The following MOB3B variants were observed in gnomAD, a reference collection of about 807,000 sequenced individuals.
MOB3B encodes the protein MOB kinase activator 3B.
MOB3B carries 7 observed loss-of-function variants against 18.7 expected under a neutral mutation model. That is an observed-to-expected ratio of 0.37 (90% CI 0.21 to 0.70). MOB3B has a LOEUF of 0.70. Ranked by LOEUF, MOB3B falls within the 30% of genes least tolerant of loss-of-function variation. The pLI, the probability that MOB3B is intolerant of heterozygous loss-of-function variation, is 0.52. For missense variants in MOB3B, 253 were observed against 281.3 expected, an observed-to-expected ratio of 0.90 and a Z score of 0.72; for synonymous variants, 111 against 99.9, an observed-to-expected ratio of 1.11 and a Z score of -0.66.
chr9:27,426,707 A>G lies in MOB3B; in HGVS notation c.418+28426T>C, dbSNP rs185956646. Among the ~76,000 whole-genome samples, 91 of 152,298 alleles carry G rather than the reference A, an allele frequency of 6.0e-4. 1 individual carries two copies. In the East Asian group the frequency reaches 0.014, roughly 24 times the overall value. On this transcript the variant is annotated intron_variant, in intron 2 of 3. Coordinates refer to ENST00000262244, the MANE Select transcript of MOB3B (RefSeq NM_024761.5). ...CCCCCCCTGCCCGACTCAGAATCCA[A>G]GGGGAAAATAATGAGATCCTCTAGG...
At chr9:27,518,892 A>G (rs55835819) in intron 1 of MOB3B, among the ~76,000 whole-genome samples, 8,674 of 152,246 alleles carry the variant, frequency 0.057, 409 homozygotes, top group African/African-American at 0.13. Context: ...CTGTGTAAGA[A>G]GTGCCACAGA....
intron 2 of MOB3B, among the ~76,000 whole-genome samples, chr9:27,381,741 G>A (rs1274582336): frequency 6.6e-6 from 1 of 151,992 alleles, no homozygotes; most frequent in Admixed American, 6.6e-5. Flanking sequence ...CAACCTCCTG[G>A]GCTTAAGCAA....
chr9:27,523,965 T>A (rs530862640), intron 1 of MOB3B, among the ~76,000 whole-genome samples: 1 of 152,050 alleles, frequency 6.6e-6, no homozygotes, highest in East Asian at 1.9e-4. Context: ...AGTGAGTGAG[T>A]GAGTGAGTGC....
At chr9:27,496,900 C>G (rs1819910541) in intron 1 of MOB3B, among the ~76,000 whole-genome samples, 1 of 152,186 alleles carries the variant, frequency 6.6e-6, no homozygotes, top group Non-Finnish European at 1.5e-5. Flanking sequence ...TTATGTTTTC[C>G]TCCAGAAGAG....
intron 2 of MOB3B, among the ~76,000 whole-genome samples, chr9:27,428,627 T>C (rs958748175): frequency 3.3e-5 from 5 of 152,214 alleles, no homozygotes; most frequent in African/African-American, 7.2e-5. Context: ...TTTAGGATAA[T>C]TTATTGACAT....
intron 2 of MOB3B, among the ~76,000 whole-genome samples, chr9:27,417,335 G>C (rs1258007986): frequency 6.6e-6 from 1 of 152,198 alleles, no homozygotes; most frequent in East Asian, 1.9e-4. Flanking sequence ...CTGTACTCCA[G>C]CTTGGGCGAC....
chr9:27,517,298 T>C (rs1820249980), intron 1 of MOB3B, among the ~76,000 whole-genome samples: 1 of 152,186 alleles, frequency 6.6e-6, no homozygotes, highest in African/African-American at 2.4e-5. Flanking sequence ...CAACAGATGA[T>C]GATGATAACT....
intron 1 of MOB3B, among the ~76,000 whole-genome samples, chr9:27,500,875 C>T (rs1176854300): frequency 6.6e-6 from 1 of 152,050 alleles, no homozygotes; most frequent in East Asian, 1.9e-4. Context: ...TATTCAGAAT[C>T]TACAAAGAAC....
At chr9:27,417,111 C>T (rs374536273) in intron 2 of MOB3B, among the ~76,000 whole-genome samples, 19 of 152,292 alleles carry the variant, frequency 1.2e-4, no homozygotes, top group African/African-American at 4.3e-4. Context: ...CGCCTGTAAT[C>T]CCAGCACTTT....
chr9:27,470,719 G>A (rs1819457801), intron 1 of MOB3B, among the ~76,000 whole-genome samples: 2 of 152,114 alleles, frequency 1.3e-5, no homozygotes, highest in African/African-American at 2.4e-5. Flanking sequence ...TGCCACCTCT[G>A]GTGGAGGTTC....
At chr9:27,420,548 CAT>C (rs55684272) in intron 2 of MOB3B, among the ~76,000 whole-genome samples, 980 of 30,898 alleles carry the variant, frequency 0.032, 31 homozygotes, top group East Asian at 0.042. Flanking sequence ...CTGTATATTC[CAT>C]ATATATATAT....
At chr9:27,415,907 C>T (rs932366698) in intron 2 of MOB3B, among the ~76,000 whole-genome samples, 3 of 152,240 alleles carry the variant, frequency 2.0e-5, no homozygotes, top group East Asian at 1.9e-4. Context: ...TATGGGGTTT[C>T]GTGCGTGTAT....
chr9:27,355,072 G>C (rs1310631516), intron 3 of MOB3B, among the ~76,000 whole-genome samples: 1 of 152,134 alleles, frequency 6.6e-6, no homozygotes, highest in African/African-American at 2.4e-5. Context: ...GTAAATGCAG[G>C]GTCCAGGGTT....
intron 2 of MOB3B, among the ~76,000 whole-genome samples, chr9:27,372,303 A>G (rs1821435053): frequency 6.6e-6 from 1 of 152,258 alleles, no homozygotes; most frequent in Non-Finnish European, 1.5e-5. Flanking sequence ...GTTTTGCATT[A>G]TAACCTAAAG....
At chr9:27,524,293 A>T (rs1395398480) in intron 1 of MOB3B, 4 of 1,565,256 alleles carry the variant, frequency 2.6e-6, no homozygotes, top group African/African-American at 1.4e-5. Flanking sequence ...TCAAAACATC[A>T]TTGTCATATA....
chr9:27,434,270 T>A (rs1822460786), intron 2 of MOB3B, among the ~76,000 whole-genome samples: 1 of 152,198 alleles, frequency 6.6e-6, no homozygotes, highest in Non-Finnish European at 1.5e-5. Context: ...CTTGTCTTAC[T>A]TAATCTTTCA....
At chr9:27,484,595 C>T (rs1048903637) in intron 1 of MOB3B, among the ~76,000 whole-genome samples, 12 of 152,144 alleles carry the variant, frequency 7.9e-5, no homozygotes, top group Admixed American at 1.3e-4. Flanking sequence ...TTTAACCTAT[C>T]CACATTAAAG....
intron 2 of MOB3B, among the ~76,000 whole-genome samples, chr9:27,437,811 T>C (rs1219093071): frequency 1.3e-5 from 2 of 152,212 alleles, no homozygotes; most frequent in Admixed American, 1.3e-4. Flanking sequence ...TTTTTTATCA[T>C]GTCAGTTAAA....
chr9:27,528,671 C>T (rs1820478922), intron 1 of MOB3B, among the ~76,000 whole-genome samples: 2 of 152,074 alleles, frequency 1.3e-5, no homozygotes, highest in South Asian at 4.1e-4. Context: ...GAAAGGCAAA[C>T]AATAGGGGAA....
Sources: gnomAD v4.1 joint callset for allele counts (sites outside exome capture counted in the v4.1 genomes callset) on GRCh38, gnomAD v4.1.1 for gene constraint, MANE v1.5 for transcripts, NCBI Gene and HGNC (gene_info 2026-07-23, HGNC 2026-07-21) for gene names.